Variants in DYNC2LI1 observed in about 807,000 individuals in gnomAD.
DYNC2LI1 encodes dynein cytoplasmic 2 light intermediate chain 1, also known as cytoplasmic dynein 2 light intermediate chain 1.
A neutral mutation model predicts 51.9 loss-of-function variants in DYNC2LI1; 45 were observed. That is an observed-to-expected ratio of 0.87 (90% CI 0.68 to 1.11). The LOEUF is 1.11. Among genes scored for constraint, DYNC2LI1 ranks in the 50% most tolerant of loss-of-function variants. The probability of loss-of-function intolerance (pLI) is 0.00; values close to 1 mark genes in which losing one functional copy is unlikely to be tolerated. For synonymous variants in DYNC2LI1, 130 were observed against 137.8 expected (o/e 0.94, Z 0.40); for missense variants, 490 against 417.4 (o/e 1.17, Z -1.51).
intron 1 of DYNC2LI1, among the ~76,000 whole-genome samples, chr2:43,776,196 T>G (rs1041461553): frequency 2.6e-5 from 4 of 151,840 alleles, no homozygotes; most frequent in Non-Finnish European, 4.4e-5. Flanking sequence ...TGCTAATTTA[T>G]TAGTAGTAGT....
chr2:43,826,302 T>G, the DYNC2LI1 span: 1 of 1,604,574 alleles, frequency 6.2e-7, no homozygotes, highest in Non-Finnish European at 8.5e-7. Flanking sequence ...GCCTGGCCAC[T>G]GGTACAAATC....
At position 43,774,068 on chromosome 2, in the gene DYNC2LI1, A is replaced by C; in HGVS notation, c.-71A>C. On this transcript the variant is annotated 5_prime_UTR_variant, in exon 1 of 13. Coordinates refer to ENST00000260605, the MANE Select transcript of DYNC2LI1 (RefSeq NM_016008.4). Reference sequence around the variant, plus strand: ...GGCCTCACTCCCAGACTCCTTGCGGAGCTCGCCGCCTGATTCTAGGCTGGT... The same window carrying C: ...GGCCTCACTCCCAGACTCCTTGCGGCGCTCGCCGCCTGATTCTAGGCTGGT... The C allele has an allele frequency of 3.7e-6, 6 of 1,602,804 alleles. No individual in the cohort carries two copies. Among genetic ancestry groups the C allele is most frequent in the East Asian group, 4.5e-5 (2 of 44,282 alleles).
At chr2:43,796,867 C>G (rs986079871) in intron 8 of DYNC2LI1, 72 bp downstream of exon 8, 4 of 1,150,340 alleles carry the variant, frequency 3.5e-6, no homozygotes, top group Non-Finnish European at 5.2e-6. Context: ...ACTTGATGCA[C>G]AGCTACGAGG....
At chr2:43,821,881 T>A in the DYNC2LI1 span, among the ~76,000 whole-genome samples, 5 of 151,918 alleles carry the variant, frequency 3.3e-5, no homozygotes, top group Non-Finnish European at 7.4e-5. Context: ...TCTCTCCCCC[T>A]CTCTTCCCGC....
Position 43,787,168 on chromosome 2 carries a change from C to A in DYNC2LI1, c.162-13C>A. ...CACCTACAATGATAATACTATCGGC[C>A]TTTATTATACAGAGATGAACCACCA... On this transcript the variant is annotated splice_polypyrimidine_tract_variant and intron_variant, in intron 3 of 12. Transcript: ENST00000260605. 1 of 1,604,110 alleles carries A rather than the reference C, an allele frequency of 6.2e-7. No individual in the cohort carries two copies. Among genetic ancestry groups the A allele is most frequent in the African/African-American group, 1.3e-5 (1 of 74,788 alleles).
chr2:43,817,427 G>A, the DYNC2LI1 span, among the ~76,000 whole-genome samples: 1 of 152,180 alleles, frequency 6.6e-6, no homozygotes, highest in Non-Finnish European at 1.5e-5. Flanking sequence ...GGAGGTTGCA[G>A]TGAGCCGAGA....
chr2:43,774,281 A>G (rs1272442138), intron 1 of DYNC2LI1, 135 bp downstream of exon 1: 2 of 1,184,204 alleles, frequency 1.7e-6, no homozygotes, highest in African/African-American at 3.0e-5. Flanking sequence ...TCGGGGACCT[A>G]GGAATCAGCC....
At position 43,801,998 on chromosome 2, in the gene DYNC2LI1, CT is replaced by C. The variant is rs1387359524; in HGVS notation, c.802+293del. ...TCTTTCCCCAACTGATTTCCAGGTA[CT>C]TTTAAATTTTAGCTCCTTGGCTTTA... On this transcript the variant is annotated intron_variant, in intron 10 of 12. Transcript: ENST00000260605. 2.0e-5 allele frequency among the ~76,000 whole-genome samples: 3 copies of C among 152,086 alleles called. No homozygotes were observed. The East Asian group carries it at 5.8e-4, about 29-fold the overall frequency.
chr2:43,811,745 C>A (rs987203543), downstream of DYNC2LI1, among the ~76,000 whole-genome samples: 2 of 152,012 alleles, frequency 1.3e-5, no homozygotes, highest in Admixed American at 1.3e-4. Flanking sequence ...CAGGCGCCTG[C>A]CACCATGCCC....
chr2:43,820,806 A>G, the DYNC2LI1 span, among the ~76,000 whole-genome samples: 1 of 152,096 alleles, frequency 6.6e-6, no homozygotes, highest in Non-Finnish European at 1.5e-5. Context: ...GGTGCGCACC[A>G]CCACACCCAG....
chr2:43,790,582 TTTCAC>T (rs910868348), intron 5 of DYNC2LI1, among the ~76,000 whole-genome samples: 1 of 152,114 alleles, frequency 6.6e-6, no homozygotes, highest in Non-Finnish European at 1.5e-5. Flanking sequence ...ATTTACTTTC[TTTCAC>T]TTATTAGAAA....
At chr2:43,785,439 AAC>A (rs1673480749) in intron 3 of DYNC2LI1, among the ~76,000 whole-genome samples, 2 of 152,144 alleles carry the variant, frequency 1.3e-5, no homozygotes, top group African/African-American at 4.8e-5. Context: ...AAACAAAAAA[AAC>A]ACAAATATTG....
intron 6 of DYNC2LI1, among the ~76,000 whole-genome samples, chr2:43,795,399 G>A (rs1446845428): frequency 6.6e-6 from 1 of 152,228 alleles, no homozygotes; most frequent in East Asian, 1.9e-4. Flanking sequence ...AGCTACTTGG[G>A]AGGCTGAGGC....
At position 43,801,014 on chromosome 2, in the gene DYNC2LI1, A is replaced by C. The variant is rs989670388; in HGVS notation, c.731+97A>C. ...GTTCTACTCAGTCTCTTGTGTCTTG[A>C]CCAGGAAAGTGACCCAGATGGCTTT... is the stretch of plus-strand genomic sequence containing the variant. On this transcript the variant is annotated intron_variant, in intron 9 of 12. Coordinates refer to ENST00000260605, the MANE Select transcript of DYNC2LI1 (RefSeq NM_016008.4). The C allele has an allele frequency of 1.4e-5, 8 of 591,172 alleles. 1 individual carries two copies. Among genetic ancestry groups the C allele is most frequent in the Non-Finnish European group, 2.1e-5 (8 of 376,018 alleles). 36.6% of individuals were successfully genotyped at this position (591,172 alleles called of 1,614,324 possible).
chr2:43,816,443 A>C, the DYNC2LI1 span, among the ~76,000 whole-genome samples: 1 of 152,076 alleles, frequency 6.6e-6, no homozygotes, highest in Non-Finnish European at 1.5e-5. Flanking sequence ...GGAGAGAGAG[A>C]AATGGATCAG....
At chr2:43,797,958 T>G (rs1317720849) in intron 8 of DYNC2LI1, among the ~76,000 whole-genome samples, 1 of 152,060 alleles carries the variant, frequency 6.6e-6, no homozygotes, top group Non-Finnish European at 1.5e-5. Context: ...AGAACCTGTC[T>G]CTACAAAAAA....
At chr2:43,813,246 A>G (rs755999941), downstream of DYNC2LI1, 13 of 1,613,908 alleles carry the variant, frequency 8.1e-6, no homozygotes, top group South Asian at 7.7e-5. Flanking sequence ...GGTTTTCTCA[A>G]TGAATTGAAT....
At chr2:43,783,732 G>A (rs1673395947) in intron 3 of DYNC2LI1, among the ~76,000 whole-genome samples, 178 bp downstream of exon 3, 1 of 152,056 alleles carries the variant, frequency 6.6e-6, no homozygotes, top group African/African-American at 2.4e-5. Context: ...CTAACAATAA[G>A]CCAAAAATTA....
intron 12 of DYNC2LI1, among the ~76,000 whole-genome samples, chr2:43,806,436 T>C (rs1459510359): frequency 6.6e-6 from 1 of 152,066 alleles, no homozygotes; most frequent in African/African-American, 2.4e-5. Flanking sequence ...AGCAAAACAT[T>C]TTATGTAAAC....
Sources: gnomAD v4.1 joint callset for allele counts (sites outside exome capture counted in the v4.1 genomes callset) on GRCh38, gnomAD v4.1.1 for gene constraint, MANE v1.5 for transcripts, NCBI Gene and HGNC (gene_info 2026-07-23, HGNC 2026-07-21) for gene names.